PLCB1: variants seen among roughly 807,000 people sequenced by gnomAD.
PLCB1 encodes the protein phospholipase C beta 1, also known as 1-phosphatidylinositol 4,5-bisphosphate phosphodiesterase beta-1.
A neutral mutation model predicts 161.8 loss-of-function variants in PLCB1; 46 were observed. The observed-to-expected ratio is 0.28, with a 90% CI of 0.22 to 0.36. The LOEUF is 0.36. PLCB1 is among the 10% of genes least tolerant of loss of function. The pLI is 1.00. For missense variants in PLCB1, 1,016 were observed against 1,472.5 expected (o/e 0.69, Z 5.07); for synonymous variants, 517 against 503.7 (o/e 1.03, Z -0.35).
chr20:8,258,846 G>A (rs1222136326), intron 2 of PLCB1, among the ~76,000 whole-genome samples: 3 of 152,022 alleles, frequency 2.0e-5, no homozygotes, highest in Non-Finnish European at 4.4e-5. Flanking sequence ...GTACCTGTAT[G>A]TGTCTACAGT....
At chr20:8,590,585 C>A (rs1019269169) in intron 3 of PLCB1, among the ~76,000 whole-genome samples, 16 of 152,202 alleles carry the variant, frequency 1.1e-4, no homozygotes, top group African/African-American at 3.9e-4. Flanking sequence ...GGTTACTTGG[C>A]TAAGATCAAG....
intron 2 of PLCB1, among the ~76,000 whole-genome samples, chr20:8,289,234 CCTGT>C (rs1983271300): frequency 6.6e-6 from 1 of 152,186 alleles, no homozygotes; most frequent in Non-Finnish European, 1.5e-5. Context: ...GTGCTTTCAG[CCTGT>C]CTAACACTGC....
chr20:8,720,665 A>T (rs1222349376), intron 14 of PLCB1, among the ~76,000 whole-genome samples: 1 of 152,140 alleles, frequency 6.6e-6, no homozygotes, highest in Non-Finnish European at 1.5e-5. Context: ...TTTACAGGAG[A>T]AAAATCAGGT....
chr20:8,448,583 A>T (rs1423618838), intron 3 of PLCB1, among the ~76,000 whole-genome samples: 2 of 152,224 alleles, frequency 1.3e-5, no homozygotes, highest in Non-Finnish European at 2.9e-5. Context: ...TTTTTCCAAC[A>T]CCAGGGTTCC....
At chr20:8,433,706 TTCCTCCTCCTCCTCCTCATCC>T (rs1980164813) in intron 3 of PLCB1, among the ~76,000 whole-genome samples, 1 of 146,664 alleles carries the variant, frequency 6.8e-6, no homozygotes, top group Non-Finnish European at 1.5e-5. Flanking sequence ...CCTTCTCCTC[TTCCTCCTCCTCCTCCTCATCC>T]TCCTCCTCCT....
intron 2 of PLCB1, among the ~76,000 whole-genome samples, chr20:8,317,352 C>T (rs749140960): frequency 4.6e-5 from 7 of 151,992 alleles, no homozygotes; most frequent in African/African-American, 1.4e-4. Context: ...ATCAAAGTCC[C>T]GTTTGGGTCA....
At chr20:8,464,088 C>T (rs1019251539) in intron 3 of PLCB1, among the ~76,000 whole-genome samples, 13 of 152,110 alleles carry the variant, frequency 8.5e-5, no homozygotes, top group African/African-American at 3.1e-4. Flanking sequence ...TCCCGGTTGA[C>T]AGTTGTTTCT....
chr20:8,231,946 A>G, intron 2 of PLCB1, among the ~76,000 whole-genome samples: 1 of 152,146 alleles, frequency 6.6e-6, no homozygotes, highest in East Asian at 1.9e-4. Flanking sequence ...ATCTTATGTA[A>G]CTATTTTATA....
rs563802148 is a variant in PLCB1 at position 8,300,934 on chromosome 20, C to G, written c.178-70448C>G. ...GGACTTCAGCTAATAAATTGGCCCTCCTACTACAAGGCCTCTGGTTTCATT... is the reference window on the plus strand; with the variant it reads ...GGACTTCAGCTAATAAATTGGCCCTGCTACTACAAGGCCTCTGGTTTCATT... On this transcript the variant is annotated intron_variant, in intron 2 of 31. Coordinates refer to ENST00000338037, the MANE Select transcript of PLCB1 (RefSeq NM_015192.4). Among the ~76,000 whole-genome samples, 434 of 152,298 alleles carry G rather than the reference C, an allele frequency of 2.8e-3. 3 individuals are homozygous for G. The highest frequency in any genetic ancestry group is 4.5e-3 in the Non-Finnish European group (304 of 68,022).
Position 8,176,525 on chromosome 20 carries a change from C to G in PLCB1, c.177+26154C>G, listed in dbSNP as rs2051785563. ...GGCTGCTGTAGTTATAAAAGAGCAA[C>G]ATGAGGAATGCTTGTGGTGACGATA... On this transcript the variant is annotated intron_variant, in intron 2 of 31. Transcript: ENST00000338037. 1.3e-5 allele frequency among the ~76,000 whole-genome samples: 2 copies of G among 152,172 alleles called. 1 individual carries two copies. Among genetic ancestry groups the G allele is most frequent in the South Asian group, 4.1e-4 (2 of 4,826 alleles).
At chr20:8,778,866 G>A (rs187413052) in intron 27 of PLCB1, among the ~76,000 whole-genome samples, 77 of 152,242 alleles carry the variant, frequency 5.1e-4, no homozygotes, top group Non-Finnish European at 9.0e-4. Context: ...CTTTAGCTGC[G>A]ACGTGTGTGC....
At position 8,790,177 on chromosome 20, in the gene PLCB1, A is replaced by G. The variant is rs757919673; in HGVS notation, c.3339A>G (p.Leu1113=). The G allele has an allele frequency of 4.4e-6, 7 of 1,606,636 alleles. No individual in the cohort carries two copies. The highest frequency in any genetic ancestry group is 6.0e-6 in the Non-Finnish European group (7 of 1,174,390). The change falls in exon 31 of 32, where the codon CTA becomes CTG. Residue 1113 remains leucine, a splice_region_variant and synonymous_variant. Transcript: ENST00000338037. ...TGTTTCTTGTAACTTTCTTATAGCT[A>G]GAAGAAGCGCAAAGTAAACGGCAAG... is the stretch of plus-strand genomic sequence containing the variant. ...IQEVVQYIKR[L]EEAQSKRQEK...
In PLCB1 at chr20:8,248,472, G is replaced by A. The variant is rs555919668; in HGVS notation, c.177+98101G>A. Among the ~76,000 whole-genome samples, 118 of 151,922 alleles carry A rather than the reference G, an allele frequency of 7.8e-4. 1 individual carries two copies. The highest frequency in any genetic ancestry group is 1.5e-3 in the Non-Finnish European group (101 of 67,900). ...AAGGCTGCAGTTGGAAATAAAGCATGTAAAAGCTGGGAATGGGAGCACAGA... is the reference window on the plus strand; with the variant it reads ...AAGGCTGCAGTTGGAAATAAAGCATATAAAAGCTGGGAATGGGAGCACAGA... On this transcript the variant is annotated intron_variant, in intron 2 of 31. Coordinates refer to ENST00000338037, the MANE Select transcript of PLCB1 (RefSeq NM_015192.4).
intron 2 of PLCB1, among the ~76,000 whole-genome samples, chr20:8,342,563 A>C (rs1600329453): frequency 6.6e-6 from 1 of 152,164 alleles, no homozygotes; most frequent in East Asian, 1.9e-4. Flanking sequence ...TCATTACATG[A>C]ATCCAGAGCA....
intron 3 of PLCB1, among the ~76,000 whole-genome samples, chr20:8,522,266 G>C (rs1005069692): frequency 6.6e-6 from 1 of 152,144 alleles, no homozygotes; most frequent in Non-Finnish European, 1.5e-5. Context: ...AGCGTTTCCT[G>C]AGAGCCCTTC....
chr20:8,313,605 T>C (rs1984509172), intron 2 of PLCB1, among the ~76,000 whole-genome samples: 2 of 152,180 alleles, frequency 1.3e-5, no homozygotes, highest in African/African-American at 4.8e-5. Context: ...ATCTACCTTA[T>C]ACAAGAATAT....
chr20:8,477,714 TG>T (rs1320707108), intron 3 of PLCB1, among the ~76,000 whole-genome samples: 9 of 152,038 alleles, frequency 5.9e-5, no homozygotes, highest in Admixed American at 2.0e-4. Flanking sequence ...GTGGGGAGGA[TG>T]TGCCAGGCTC....
intron 3 of PLCB1, among the ~76,000 whole-genome samples, chr20:8,423,574 G>T (rs1315765341): frequency 6.6e-6 from 1 of 152,124 alleles, no homozygotes; most frequent in African/African-American, 2.4e-5. Context: ...TCAATATTTT[G>T]AATAAAATTC....
chr20:8,477,245 G>A (rs1982317376), intron 3 of PLCB1, among the ~76,000 whole-genome samples: 1 of 152,160 alleles, frequency 6.6e-6, no homozygotes, highest in African/African-American at 2.4e-5. Context: ...GTTCAATTTT[G>A]AGAGATGTTG....
Sources: gnomAD v4.1 joint callset for allele counts (sites outside exome capture counted in the v4.1 genomes callset) on GRCh38, gnomAD v4.1.1 for gene constraint, MANE v1.5 for transcripts, NCBI Gene and HGNC (gene_info 2026-07-23, HGNC 2026-07-21) for gene names.